Variants in SYNPR observed in about 807,000 individuals in gnomAD.
SYNPR encodes synaptoporin.
Under a neutral mutation model 32.9 loss-of-function variants are expected in SYNPR, and 23 were observed. That is an observed-to-expected ratio of 0.70 (90% confidence interval 0.50 to 0.99). The LOEUF is 0.99. SYNPR is among the 50% of genes least tolerant of loss of function. The pLI is 0.00. For synonymous variants in SYNPR, 146 were observed against 135.9 expected, an observed-to-expected ratio of 1.07 and a Z score of -0.52; for missense variants, 318 against 349.3, an observed-to-expected ratio of 0.91 and a Z score of 0.71.
Position 63,488,582 on chromosome 3 carries a change from A to T in SYNPR, c.209+7626A>T, listed in dbSNP as rs150762213. Among the ~76,000 whole-genome samples the T allele has an allele frequency of 1.0e-3, 158 of 152,310 alleles. 1 individual carries two copies. The highest frequency in any genetic ancestry group is 3.3e-3 in the African/African-American group (136 of 41,574). On this transcript the variant is annotated intron_variant, in intron 3 of 5. Transcript: ENST00000478300. ...CTTATTATAAAAAGGCAGTAATACC[A>T]GTACCTTCCTTATAGTGTGGTTGCA...
intron 1 of SYNPR, among the ~76,000 whole-genome samples, chr3:63,232,053 G>C (rs2086170556): frequency 6.6e-6 from 1 of 152,072 alleles, no homozygotes; most frequent in Non-Finnish European, 1.5e-5. Flanking sequence ...CTCAGAGCTG[G>C]TCTAATACAG....
chr3:63,314,546 T>A lies in SYNPR; in HGVS notation c.84+35804T>A, dbSNP rs188985721. 9.2e-5 allele frequency among the ~76,000 whole-genome samples: 14 copies of A among 152,210 alleles called. No homozygotes were observed. The East Asian group carries it at 1.7e-3, about 19-fold the overall frequency. ...TCTTCTACTGAGAATTGTCTATTCA[T>A]GTCCTTTGCCCACTTTTTGATGGGA... On this transcript the variant is annotated intron_variant, in intron 2 of 5. Coordinates refer to ENST00000478300, the MANE Select transcript of SYNPR (RefSeq NM_001130003.2).
At chr3:63,328,752 A>T (rs1314711280) in intron 2 of SYNPR, among the ~76,000 whole-genome samples, 6 of 152,106 alleles carry the variant, frequency 3.9e-5, no homozygotes, top group African/African-American at 1.4e-4. Context: ...CTGGTACTTG[A>T]ATCTACTATG....
chr3:63,332,853 C>G (rs1215080115), intron 2 of SYNPR, among the ~76,000 whole-genome samples: 1 of 152,104 alleles, frequency 6.6e-6, no homozygotes, highest in Non-Finnish European at 1.5e-5. Context: ...AATGTTGGCA[C>G]AGTTGACATT....
intron 4 of SYNPR, among the ~76,000 whole-genome samples, chr3:63,592,399 T>A (rs929580208): frequency 1.3e-5 from 2 of 151,854 alleles, no homozygotes. Flanking sequence ...TAAAATTAGA[T>A]CATATCAAAC....
At chr3:63,443,278 G>T (rs1438675082) in intron 2 of SYNPR, 1 of 1,462,612 alleles carries the variant, frequency 6.8e-7, no homozygotes, top group Non-Finnish European at 9.0e-7. Flanking sequence ...TATCTGATTG[G>T]TATAACATCT....
chr3:63,408,879 C>T (rs2088424488), intron 2 of SYNPR, among the ~76,000 whole-genome samples: 1 of 152,094 alleles, frequency 6.6e-6, no homozygotes, highest in Non-Finnish European at 1.5e-5. Context: ...CAAGTTGACA[C>T]CTAAAGTTAA....
chr3:63,227,110 T>C (rs187172427), upstream of SYNPR, among the ~76,000 whole-genome samples: 2 of 152,344 alleles, frequency 1.3e-5, no homozygotes, highest in East Asian at 1.9e-4. Flanking sequence ...ATTCACCCCA[T>C]AGGGACTTCA....
chr3:63,416,278 C>G (rs1220511039), intron 2 of SYNPR, among the ~76,000 whole-genome samples: 1 of 152,274 alleles, frequency 6.6e-6, no homozygotes, highest in Middle Eastern at 3.4e-3. Context: ...CGCCTGTAAT[C>G]CCAGCACTTT....
chr3:63,237,041 C>A (rs1211883388), intron 1 of SYNPR, among the ~76,000 whole-genome samples: 1 of 152,104 alleles, frequency 6.6e-6, no homozygotes, highest in Non-Finnish European at 1.5e-5. Flanking sequence ...TTACTCCCAA[C>A]TTGGTAACAG....
chr3:63,445,484 TG>T, intron 2 of SYNPR: 1 of 682,324 alleles, frequency 1.5e-6, no homozygotes, highest in Non-Finnish European at 2.7e-6. Flanking sequence ...TTTTGTCATT[TG>T]GGGGAAAACA....
At chr3:63,523,596 A>G (rs932086922) in intron 3 of SYNPR, among the ~76,000 whole-genome samples, 4 of 152,162 alleles carry the variant, frequency 2.6e-5, no homozygotes, top group Non-Finnish European at 5.9e-5. Flanking sequence ...CTGATGCTCA[A>G]TGTGAGCCTT....
chr3:63,410,083 G>A (rs2088441623), intron 2 of SYNPR, among the ~76,000 whole-genome samples: 1 of 152,060 alleles, frequency 6.6e-6, no homozygotes, highest in Non-Finnish European at 1.5e-5. Context: ...CACATTGTTT[G>A]TTAACACAGC....
intron 2 of SYNPR, among the ~76,000 whole-genome samples, chr3:63,344,300 C>A (rs1047482771): frequency 4.6e-5 from 7 of 152,154 alleles, no homozygotes; most frequent in African/African-American, 1.7e-4. Context: ...TCTCTCCTAC[C>A]TATCTTATGA....
intron 1 of SYNPR, among the ~76,000 whole-genome samples, chr3:63,244,132 A>G (rs977941905): frequency 1.3e-5 from 2 of 152,114 alleles, no homozygotes; most frequent in Admixed American, 6.6e-5. Context: ...TGAGAAAAGC[A>G]TCAGAGCTCA....
chr3:63,329,313 C>G (rs972492927), intron 2 of SYNPR, among the ~76,000 whole-genome samples: 1 of 152,032 alleles, frequency 6.6e-6, no homozygotes, highest in African/African-American at 2.4e-5. Context: ...CTCTTCTTAG[C>G]CCTATTTTAC....
At chr3:63,292,081 T>A (rs1409809728) in intron 2 of SYNPR, among the ~76,000 whole-genome samples, 1 of 152,204 alleles carries the variant, frequency 6.6e-6, no homozygotes, top group Non-Finnish European at 1.5e-5. Flanking sequence ...ACAATGGTAT[T>A]TGTGTATCTA....
In SYNPR at chr3:63,377,500, C is replaced by T. The variant is rs115855924; in HGVS notation, c.84+98758C>T. On this transcript the variant is annotated intron_variant, in intron 2 of 5. Coordinates refer to ENST00000478300, the MANE Select transcript of SYNPR (RefSeq NM_001130003.2). Reference sequence around the variant, plus strand: ...AGCAAATTTCAGTACGTCATGCCAACCTATCATCTTTTATGGAATCCCATA... The same window carrying T: ...AGCAAATTTCAGTACGTCATGCCAATCTATCATCTTTTATGGAATCCCATA... 5.0e-3 allele frequency among the ~76,000 whole-genome samples: 768 copies of T among 152,106 alleles called. 6 individuals carry two copies. Among genetic ancestry groups the T allele is most frequent in the African/African-American group, 0.017 (714 of 41,500 alleles).
intron 2 of SYNPR, among the ~76,000 whole-genome samples, chr3:63,291,221 G>T (rs1341151203): frequency 1.7e-5 from 2 of 116,924 alleles, no homozygotes; most frequent in African/African-American, 3.3e-5. Flanking sequence ...CTACATCAAA[G>T]GTGTTTTTTT....
Sources: allele counts gnomAD v4.1 joint callset (sites outside exome capture counted in the v4.1 genomes callset), GRCh38; gene constraint gnomAD v4.1.1; transcripts MANE v1.5; gene names NCBI Gene and HGNC (gene_info 2026-07-23, HGNC 2026-07-21).